The following DNAH2 variants were observed in gnomAD, a reference collection of about 807,000 sequenced individuals.
DNAH2 encodes the protein dynein axonemal heavy chain 2.
A neutral mutation model predicts 523.5 loss-of-function variants in DNAH2; 323 were observed. The observed-to-expected ratio is 0.62, with a 90% CI of 0.56 to 0.68. The LOEUF (loss-of-function observed/expected upper bound fraction) is 0.68. Ranked by LOEUF, DNAH2 falls within the 30% of genes least tolerant of loss-of-function variation. DNAH2 has a pLI of 0.00. For synonymous variants in DNAH2, 2,093 were observed against 2,177.4 expected (o/e 0.96, Z 1.08); for missense variants, 4,907 against 5,701.5 (o/e 0.86, Z 4.49).
chr17:7,791,881 C>T, intron 44 of DNAH2, 36 bp from the exon 45 acceptor site: 1 of 1,600,378 alleles, frequency 6.2e-7, no homozygotes, highest in Non-Finnish European at 8.5e-7. Flanking sequence ...TGGTCTCTTA[C>T]AGGTGGGTTA....
chr17:7,743,241 CTCTT>C (rs779872920), intron 12 of DNAH2, 99 bp downstream of exon 12: 3 of 1,237,964 alleles, frequency 2.4e-6, no homozygotes, highest in South Asian at 2.5e-5. Flanking sequence ...ATTATTCTCT[CTCTT>C]TCTCATACAA....
At chr17:7,783,516 A>G (rs893424394) in intron 39 of DNAH2, among the ~76,000 whole-genome samples, 14 of 152,292 alleles carry the variant, frequency 9.2e-5, no homozygotes, top group African/African-American at 2.9e-4. Flanking sequence ...AAAAACAAAA[A>G]CAAAAACAAA....
intron 3 of DNAH2, 143 bp from the exon 4 acceptor site, chr17:7,726,979 A>G (rs889486036): frequency 2.5e-6 from 2 of 790,408 alleles, no homozygotes; most frequent in African/African-American, 3.6e-5. Context: ...CCAAAGCTGG[A>G]AAGCTATCTT....
chr17:7,756,980 T>G, intron 12 of DNAH2, 111 bp from the exon 13 acceptor site: 1 of 1,499,144 alleles, frequency 6.7e-7, no homozygotes, highest in Non-Finnish European at 9.1e-7. Context: ...CTCTGCTTCA[T>G]TTCTCATCTC....
intron 58 of DNAH2, among the ~76,000 whole-genome samples, chr17:7,802,576 C>T (rs1438653325): frequency 1.3e-5 from 2 of 152,152 alleles, no homozygotes; most frequent in Non-Finnish European, 2.9e-5. Context: ...AATGTAAATG[C>T]TATGTAAATA....
Position 7,821,434 on chromosome 17 carries a change from A to G in DNAH2, c.11142+65A>G, listed in dbSNP as rs1046752695. 1.3e-6 allele frequency: 2 copies of G among 1,550,588 alleles called. No individual in the cohort carries two copies. The highest frequency in any genetic ancestry group is 2.7e-5 in the African/African-American group (2 of 73,584). Reference sequence around the variant, plus strand: ...AAGGTTGGGGATGAGGGCAAGTGTGACAAGGACTCCAGACCCAGAGGGTCA... The same window carrying G: ...AAGGTTGGGGATGAGGGCAAGTGTGGCAAGGACTCCAGACCCAGAGGGTCA... On this transcript the variant is annotated intron_variant, in intron 73 of 85. Transcript: ENST00000572933. This position sits in a 1 kb window ranked among gnomAD's most constrained non-coding sequence, Gnocchi z 5.0.
At chr17:7,788,282 G>T (rs186012587) in intron 44 of DNAH2, 38 bp downstream of exon 44, 3 of 1,527,424 alleles carry the variant, frequency 2.0e-6, no homozygotes, top group African/African-American at 1.4e-5. Flanking sequence ...GGGGCAGGGG[G>T]TGCTCACAGC....
intron 12 of DNAH2, among the ~76,000 whole-genome samples, chr17:7,747,827 T>C (rs1254798735): frequency 6.6e-6 from 1 of 152,160 alleles, no homozygotes; most frequent in Non-Finnish European, 1.5e-5. Flanking sequence ...CAGTAAATAA[T>C]GGAAGGGAAA....
Position 7,778,466 on chromosome 17 carries a change from C to G in DNAH2, c.5538C>G (p.Ala1846=). The G allele has an allele frequency of 6.2e-7, 1 of 1,612,138 alleles. No homozygotes were observed. The highest frequency in any genetic ancestry group is 8.5e-7 in the Non-Finnish European group (1 of 1,178,746). Residue 1846 remains alanine (A), a synonymous_variant, in exon 35 of 86, where the codon GCC becomes GCG. Coordinates refer to ENST00000572933, the MANE Select transcript of DNAH2 (RefSeq NM_020877.5). ...TGGGCCGAATGTACTCAGGTCTGGC[C>G]CAGGTCAGTATCCTGCCACCCTGTG... is the stretch of plus-strand genomic sequence containing the variant. ...KSMGRMYSGL[A]QTGAWGCFDE...
At chr17:7,812,264 T>C (rs1475334721) in intron 63 of DNAH2, among the ~76,000 whole-genome samples, 1 of 152,150 alleles carries the variant, frequency 6.6e-6, no homozygotes, top group Non-Finnish European at 1.5e-5. Flanking sequence ...ATACATTCTT[T>C]TCTTAGGGGG....
rs1254810677 is a variant in DNAH2, at chr17:7,818,699, G to A, written c.10593G>A (p.Glu3531=). The change falls in exon 70 of 86, where the codon GAG becomes GAA. Residue 3531 remains glutamate, a synonymous_variant. Coordinates refer to ENST00000572933, the MANE Select transcript of DNAH2 (RefSeq NM_020877.5). ...TGCGGAAGGAGCGGCCTGAGCTGGAGGAGCAGAAGGACTCACTGGTCATCA... is the reference window on the plus strand; with the variant it reads ...TGCGGAAGGAGCGGCCTGAGCTGGAAGAGCAGAAGGACTCACTGGTCATCA... The part of the protein sequence containing the change: ...IVVRKERPEL[E]EQKDSLVINI... The A allele has an allele frequency of 6.2e-6, 10 of 1,614,114 alleles. No homozygotes were observed. Among genetic ancestry groups the A allele is most frequent in the South Asian group, 1.1e-5 (1 of 91,084 alleles).
Position 7,780,027 on chromosome 17 carries a change from CTTGGAG to C in DNAH2, c.5723-123_5723-118del. 1 of 1,243,208 alleles carries C rather than the reference CTTGGAG, an allele frequency of 8.0e-7. No individual in the cohort carries two copies. Among genetic ancestry groups the C allele is most frequent in the African/African-American group, 1.5e-5 (1 of 66,252 alleles). The allele number at this position is 1,243,208 out of a possible 1,614,324, so 77.0% of individuals were successfully genotyped here. A position where few individuals can be genotyped will look rare whatever the true frequency, so the allele number is the denominator to read the frequency against. Reference sequence around the variant, plus strand: ...GGGCTGAGATGAGAAAGGATGTGGTCTTGGAGTTGGAGAGAAAGTTAGGGATGGAGT... The same window carrying C: ...GGGCTGAGATGAGAAAGGATGTGGTCTTGGAGAGAAAGTTAGGGATGGAGT... On this transcript the variant is annotated intron_variant, in intron 36 of 85. Coordinates refer to ENST00000572933, the MANE Select transcript of DNAH2 (RefSeq NM_020877.5). This position sits in a 1 kb window ranked among gnomAD's most constrained non-coding sequence, Gnocchi z 4.4.
intron 9 of DNAH2, 120 bp downstream of exon 9, chr17:7,740,058 C>A: frequency 3.4e-6 from 1 of 296,126 alleles, no homozygotes; most frequent in Admixed American, 1.0e-4. Flanking sequence ...GGGATCAGGG[C>A]GGTGGCCCGG....
chr17:7,778,428 G>A lies in DNAH2; in HGVS notation c.5500G>A (p.Asp1834Asn). 6.2e-7 allele frequency: 1 copy of A among 1,614,188 alleles called. No homozygotes were observed. Among genetic ancestry groups the A allele is most frequent in the Non-Finnish European group, 8.5e-7 (1 of 1,180,026 alleles). ...VIVVNCSEGL[D>N]YKSMGRMYSG... is the part of the protein sequence containing the mutation. ...TGTGGTCAACTGCTCTGAGGGCCTG[G>A]ACTACAAGTCCATGGGCCGAATGTA... The change falls in exon 35 of 86, where the codon GAC becomes AAC. Residue 1834 changes from aspartate to asparagine, a missense_variant. By Grantham distance (23) the Asp-to-Asn change is conservative. Coordinates refer to ENST00000572933, the MANE Select transcript of DNAH2 (RefSeq NM_020877.5).
intron 64 of DNAH2, 141 bp downstream of exon 64, chr17:7,816,876 C>T: frequency 9.3e-7 from 1 of 1,070,286 alleles, no homozygotes; most frequent in Non-Finnish European, 1.3e-6. Flanking sequence ...CGTGGGAGCT[C>T]TTCCCCTCCC....
In DNAH2 at chr17:7,780,250, T is replaced by A. The variant is rs142155476; in HGVS notation, c.5816T>A (p.Ile1939Asn). 56 of 1,614,022 alleles carry A rather than the reference T, an allele frequency of 3.5e-5. No individual in the cohort carries two copies. The highest frequency in any genetic ancestry group is 4.5e-5 in the Non-Finnish European group (53 of 1,180,024). ...CCTGACTCCACCCTCATTGCAGAAA[T>A]CATTCTCTTTGGAGAGGGCTTTGGC... ...VVPDSTLIAE[I>N]ILFGEGFGNC... The change falls in exon 37 of 86, where the codon ATC becomes AAC. Residue 1939 changes from isoleucine to asparagine, a missense_variant. By Grantham distance (149) the Ile-to-Asn change is moderately radical (BLOSUM62 -3). This residue lies in a region of DNAH2 where 2,806 missense variants were observed against 3,190.8 expected (regional missense o/e 0.88). Transcript: ENST00000572933. This position sits in a 1 kb window ranked among gnomAD's most constrained non-coding sequence, Gnocchi z 4.4.
Position 7,801,592 on chromosome 17 carries a change from A to G in DNAH2, c.8714A>G (p.Gln2905Arg), listed in dbSNP as rs141017146. 548 of 1,614,216 alleles carry G rather than the reference A, an allele frequency of 3.4e-4. 1 individual carries two copies. The Middle Eastern group carries it at 3.6e-3, about 11-fold the overall frequency. ...CCCCTTCCCAGGAACTGGATCCGCC[A>G]GTACCCAGCCTTGGTGAACTGCACA... ...MGDPFRNWIR[Q>R]YPALVNCTTI... is the part of the protein sequence containing the mutation. The change falls in exon 57 of 86, where the codon CAG (glutamine) becomes CGG (arginine). Residue 2905 changes from glutamine to arginine, a missense_variant. Gln to Arg is a conservative substitution (Grantham distance 43). Transcript: ENST00000572933.
chr17:7,775,213 G>C (rs767055745), intron 29 of DNAH2, 28 bp from the exon 30 acceptor site: 12 of 1,603,884 alleles, frequency 7.5e-6, no homozygotes, highest in Middle Eastern at 3.4e-4. Context: ...GGGCAGGCCA[G>C]GCTCTGAGTA....
At position 7,764,231 on chromosome 17, in the gene DNAH2, A is replaced by G. The variant is rs748386817; in HGVS notation, c.3294A>G (p.Gln1098=). Residue 1098 remains glutamine, a synonymous_variant, in exon 20 of 86, where the codon CAA becomes CAG. Transcript: ENST00000572933. ...VETQIPPIHE[Q]FAILEKYEVP... Reference sequence around the variant, plus strand: ...CTCAGATCCCTCCCATACACGAGCAATTTGCCATTCTTGAAAAGTACGAGG... The same window carrying G: ...CTCAGATCCCTCCCATACACGAGCAGTTTGCCATTCTTGAAAAGTACGAGG... 5 of 1,613,568 alleles carry G rather than the reference A, an allele frequency of 3.1e-6. No individual in the cohort carries two copies. In the Admixed American group the frequency reaches 6.7e-5, roughly 22 times the overall value.
Sources: gnomAD v4.1 joint callset for allele counts (sites outside exome capture counted in the v4.1 genomes callset) on GRCh38, gnomAD v4.1.1 for gene constraint, gnomAD v4.1.1 regional missense constraint, Gnocchi (gnomAD v3.1) non-coding constraint, MANE v1.5 for transcripts, NCBI Gene and HGNC (gene_info 2026-07-23, HGNC 2026-07-21) for gene names.